GREB1: variants seen among roughly 807,000 people sequenced by gnomAD.
The protein encoded by GREB1 is protein GREB1.
Under a neutral mutation model 200.7 loss-of-function variants are expected in GREB1, and 106 were observed. The ratio of observed to expected loss-of-function variants is 0.53; its 90% CI spans 0.45 to 0.62. The LOEUF (loss-of-function observed/expected upper bound fraction) is 0.62, where lower values mean the gene tolerates loss of function less well. Ranked by LOEUF, GREB1 falls within the 20% of genes least tolerant of loss-of-function variation. The probability of loss-of-function intolerance (pLI) is 0.00; values close to 1 mark genes in which losing one functional copy is unlikely to be tolerated. For synonymous variants in GREB1, 1,132 were observed against 1,092.4 expected (o/e 1.04, Z -0.72); for missense variants, 2,243 against 2,556.8 (o/e 0.88, Z 2.65).
intron 30 of GREB1, among the ~76,000 whole-genome samples, chr2:11,636,191 A>G (rs1558674105): frequency 1.3e-5 from 2 of 152,224 alleles, no homozygotes; most frequent in Admixed American, 1.3e-4. Flanking sequence ...TTGCAAAGTA[A>G]CAAGACCTTT....
Position 11,500,080 on chromosome 2 carries a change from C to T in GREB1, c.-159+17699C>T, listed in dbSNP as rs182504890. On this transcript the variant is annotated intron_variant, in intron 1 of 2. Transcript: ENST00000628795. ...CACTGCAACCTCTGCCTCCCGGGTT[C>T]GAGCAATTCTCCTGCTTCAGCCTCC... Among the ~76,000 whole-genome samples the T allele has an allele frequency of 2.2e-3, 328 of 152,198 alleles. 2 individuals carry two copies. The highest frequency in any genetic ancestry group is 7.6e-3 in the African/African-American group (314 of 41,520).
upstream of GREB1, among the ~76,000 whole-genome samples, chr2:11,533,730 A>G (rs1674162016): frequency 6.6e-6 from 1 of 152,228 alleles, no homozygotes; most frequent in Non-Finnish European, 1.5e-5. Flanking sequence ...ACAATGAACT[A>G]GGGGTGACTG....
intron 1 of GREB1, among the ~76,000 whole-genome samples, chr2:11,527,703 A>G (rs181240172): frequency 1.3e-5 from 2 of 152,332 alleles, no homozygotes; most frequent in East Asian, 3.9e-4. Flanking sequence ...CATAGATTCT[A>G]TAGTAAAACA....
intron 4 of GREB1, among the ~76,000 whole-genome samples, chr2:11,572,609 G>C (rs1678424697): frequency 6.6e-6 from 1 of 152,068 alleles, no homozygotes; most frequent in Non-Finnish European, 1.5e-5. Flanking sequence ...TCACACTGTT[G>C]TGGGGGGCTA....
At chr2:11,593,852 G>A (rs964584115) in intron 11 of GREB1, among the ~76,000 whole-genome samples, 4 of 152,176 alleles carry the variant, frequency 2.6e-5, no homozygotes, top group African/African-American at 9.7e-5. Flanking sequence ...AGGGAGCAGA[G>A]CAGTCTCTAC....
In GREB1 at chr2:11,580,107, C is replaced by T. The variant is rs1019793724; in HGVS notation, c.773-597C>T. ...TGCCCTTTATAAAACCATCAGGTCT[C>T]GTGAGACTTCTTCACTATCACGAGA... On this transcript the variant is annotated intron_variant, in intron 6 of 32. Transcript: ENST00000381486. The surrounding 1 kb of genome is among the most constrained non-coding windows in gnomAD (Gnocchi z 4.5). Among the ~76,000 whole-genome samples the T allele has an allele frequency of 2.0e-5, 3 of 152,144 alleles. No homozygotes were observed. Among genetic ancestry groups the T allele is most frequent in the South Asian group, 2.1e-4 (1 of 4,828 alleles).
chr2:11,617,718 C>T (rs546456766), intron 21 of GREB1, among the ~76,000 whole-genome samples: 141 of 152,222 alleles, frequency 9.3e-4, no homozygotes, highest in African/African-American at 3.2e-3. Context: ...CCGCAGGCTC[C>T]TGTTGTTGGG....
chr2:11,605,494 G>T (rs1682201369), intron 17 of GREB1, among the ~76,000 whole-genome samples: 1 of 152,066 alleles, frequency 6.6e-6, no homozygotes, highest in Non-Finnish European at 1.5e-5. Flanking sequence ...AAAGTGTTGG[G>T]ATTACAGGCG....
At chr2:11,604,609 G>A (rs1010295149) in intron 17 of GREB1, among the ~76,000 whole-genome samples, 2 of 152,188 alleles carry the variant, frequency 1.3e-5, no homozygotes, top group Admixed American at 6.5e-5. Context: ...GAACTTCTAG[G>A]AATTATTTGG....
At chr2:11,617,430 C>T (rs1683511474) in intron 21 of GREB1, among the ~76,000 whole-genome samples, 1 of 152,238 alleles carries the variant, frequency 6.6e-6, no homozygotes, top group South Asian at 2.1e-4. Flanking sequence ...AGATGTAGAC[C>T]TGACCTCAGG....
intron 17 of GREB1, among the ~76,000 whole-genome samples, chr2:11,603,929 A>G (rs1316926156): frequency 2.0e-5 from 3 of 152,232 alleles, no homozygotes; most frequent in Non-Finnish European, 4.4e-5. Flanking sequence ...ACTGAGACTT[A>G]GAGAAGTTAG....
chr2:11,573,815 A>G (rs1392290578), intron 4 of GREB1, among the ~76,000 whole-genome samples: 5 of 152,180 alleles, frequency 3.3e-5, no homozygotes, highest in Admixed American at 6.5e-5. Context: ...AGCGGAGGAG[A>G]TGGAGACGGC....
In GREB1 at chr2:11,614,974, C is replaced by G. The variant is rs183914483; in HGVS notation, c.3123-117C>G. On this transcript the variant is annotated intron_variant, in intron 19 of 32. Transcript: ENST00000381486. ...GTTGGCTTTTCCACTTGTACGAGTC[C>G]TTGGGTCCTCACCAGGAAGGTGGGG... 3.9e-4 allele frequency: 295 copies of G among 765,304 alleles called. 2 individuals are homozygous for G. The East Asian group carries it at 6.8e-3, about 18-fold the overall frequency. The allele number at this position is 765,304 out of a possible 1,614,324, so 47.4% of individuals were successfully genotyped here. A position where few individuals can be genotyped will look rare whatever the true frequency, so the allele number is the denominator to read the frequency against.
At chr2:11,588,364 C>A in intron 9 of GREB1, 1 of 875,836 alleles carries the variant, frequency 1.1e-6, no homozygotes, top group Non-Finnish European at 1.5e-6. Flanking sequence ...ACCTGGCAGG[C>A]AGCACCCAGT....
chr2:11,592,142 C>A, intron 10 of GREB1: 1 of 970,988 alleles, frequency 1.0e-6, no homozygotes, highest in Non-Finnish European at 1.2e-6. Flanking sequence ...GTTTAAAGAC[C>A]TTCTCTAACA....
rs75285375 is a variant in GREB1 at position 11,637,689 on chromosome 2, T to C, written c.5347-27T>C. 467 of 1,609,228 alleles carry C rather than the reference T, an allele frequency of 2.9e-4. 2 individuals carry two copies. In the African/African-American group the frequency reaches 5.7e-3, roughly 20 times the overall value. ...AGGTCCTCGCCCCTCAGGGCAGTAGTGGCCTGACACCCCCCTTCCCGTGCA... is the reference window on the plus strand; with the variant it reads ...AGGTCCTCGCCCCTCAGGGCAGTAGCGGCCTGACACCCCCCTTCCCGTGCA... On this transcript the variant is annotated intron_variant, in intron 30 of 32. Transcript: ENST00000381486.
rs372785664 is a variant in GREB1, at chr2:11,610,848, C to T, written c.2827C>T (p.Pro943Ser). ...CCTCCTCAACTCCCCGAAGCAGTGCCCCTGCGGCCACGGGCTCATGGTCCT... is the reference window on the plus strand; with the variant it reads ...CCTCCTCAACTCCCCGAAGCAGTGCTCCTGCGGCCACGGGCTCATGGTCCT... ...QNLLNSPKQC[P>S]CGHGLMVLLR... Residue 943 changes from proline to serine, a missense_variant, in exon 18 of 33, where the codon CCC becomes TCC. This residue lies in a region of GREB1 where 1,178 missense variants were observed against 1,387.4 expected (regional missense o/e 0.85). Transcript: ENST00000381486. 3 of 1,613,284 alleles carry T rather than the reference C, an allele frequency of 1.9e-6. No individual in the cohort carries two copies. Among genetic ancestry groups the T allele is most frequent in the Non-Finnish European group, 1.7e-6 (2 of 1,179,940 alleles).
At chr2:11,637,520 G>A (rs923185432) in intron 30 of GREB1, among the ~76,000 whole-genome samples, 196 bp from the exon 31 acceptor site, 4 of 152,298 alleles carry the variant, frequency 2.6e-5, no homozygotes, top group East Asian at 3.9e-4. Context: ...TCGTTTTGAC[G>A]TGTCTGTTTC....
At chr2:11,621,241 A>T (rs1308295576) in intron 23 of GREB1, among the ~76,000 whole-genome samples, 1 of 152,172 alleles carries the variant, frequency 6.6e-6, no homozygotes, top group Non-Finnish European at 1.5e-5. Context: ...TACCTTCCAC[A>T]TGTGGAGCGC....
Sources: allele counts gnomAD v4.1 joint callset (sites outside exome capture counted in the v4.1 genomes callset), GRCh38; gene constraint gnomAD v4.1.1; regional missense constraint gnomAD v4.1.1; non-coding constraint Gnocchi (gnomAD v3.1); transcripts MANE v1.5; gene names NCBI Gene and HGNC (gene_info 2026-07-23, HGNC 2026-07-21).